BORCS5: variants seen among roughly 807,000 people sequenced by gnomAD.
The protein encoded by BORCS5 is BLOC-1-related complex subunit 5.
A neutral mutation model predicts 22.1 loss-of-function variants in BORCS5; 17 were observed. The ratio of observed to expected loss-of-function variants is 0.77; its 90% CI spans 0.53 to 1.15. The LOEUF (loss-of-function observed/expected upper bound fraction) is 1.15. Among genes scored for constraint, BORCS5 ranks in the 50% most tolerant of loss-of-function variants. BORCS5 has a pLI of 0.00. For missense variants in BORCS5, 247 were observed against 253.2 expected (o/e 0.98, Z 0.17); for synonymous variants, 117 against 99.8 (o/e 1.17, Z -1.03).
At chr12:12,378,332 A>G (rs962132423) in intron 2 of BORCS5, among the ~76,000 whole-genome samples, 2 of 152,228 alleles carry the variant, frequency 1.3e-5, no homozygotes, top group African/African-American at 4.8e-5. Context: ...AGATCGTGCC[A>G]CTGAACTGCA....
intron 2 of BORCS5, among the ~76,000 whole-genome samples, chr12:12,432,205 C>A (rs1418927335): frequency 6.6e-6 from 1 of 152,010 alleles, no homozygotes; most frequent in African/African-American, 2.4e-5. Flanking sequence ...ATCAGTGTTT[C>A]CTTTATGGCT....
At chr12:12,377,859 C>T (rs1223656410) in intron 2 of BORCS5, among the ~76,000 whole-genome samples, 1 of 152,020 alleles carries the variant, frequency 6.6e-6, no homozygotes, top group East Asian at 1.9e-4. Context: ...TAGGAAAATG[C>T]AGGCAGTAAA....
intron 3 of BORCS5, among the ~76,000 whole-genome samples, chr12:12,464,633 A>G (rs1434821250): frequency 1.3e-5 from 2 of 152,104 alleles, no homozygotes; most frequent in Non-Finnish European, 1.5e-5. Flanking sequence ...AGTGGGGTCC[A>G]TGCTGAGGAA....
intron 2 of BORCS5, among the ~76,000 whole-genome samples, chr12:12,414,682 G>A (rs1941872161): frequency 1.1e-5 from 1 of 95,216 alleles, no homozygotes. Flanking sequence ...TGGCCGGGCG[G>A]GGGGCTGACC....
chr12:12,408,125 T>C (rs985979357), intron 2 of BORCS5, among the ~76,000 whole-genome samples: 5 of 152,258 alleles, frequency 3.3e-5, no homozygotes, highest in African/African-American at 1.2e-4. Context: ...TTCTAGCATG[T>C]ACCAGAATTT....
intron 3 of BORCS5, among the ~76,000 whole-genome samples, chr12:12,464,054 C>T (rs1287791223): frequency 1.3e-5 from 2 of 151,464 alleles, no homozygotes; most frequent in Admixed American, 6.6e-5. Context: ...ATTGCAAGGC[C>T]ACCCTGAAAA....
chr12:12,387,233 T>C (rs765446101), intron 2 of BORCS5, among the ~76,000 whole-genome samples: 2 of 151,452 alleles, frequency 1.3e-5, no homozygotes, highest in South Asian at 2.1e-4. Flanking sequence ...GGATATACCA[T>C]AGACTGTCTA....
intron 2 of BORCS5, among the ~76,000 whole-genome samples, chr12:12,399,838 G>A (rs1380580849): frequency 6.6e-6 from 1 of 152,152 alleles, no homozygotes; most frequent in Non-Finnish European, 1.5e-5. Flanking sequence ...AGTCTCAGCA[G>A]CCATTTTCCC....
At chr12:12,435,813 C>A (rs773967846) in intron 3 of BORCS5, 28 bp downstream of exon 3, 3 of 1,598,284 alleles carry the variant, frequency 1.9e-6, no homozygotes, top group South Asian at 2.2e-5. Context: ...AATAACATTG[C>A]TGACTGGTTG....
At chr12:12,414,478 AG>A (rs1941859831) in intron 2 of BORCS5, among the ~76,000 whole-genome samples, 1 of 74,688 alleles carries the variant, frequency 1.3e-5, no homozygotes, top group African/African-American at 6.5e-5. Context: ...GGCTGGGCAG[AG>A]GGGCTCCTCA....
Position 12,470,154 on chromosome 12 carries a change from T to C in BORCS5, c.*4378T>C, listed in dbSNP as rs1294187727. ...GGCACGATCTCGGCTCACTGCAACC[T>C]CCGCCTCCCGGGTTCAAGCAGTTAT... On this transcript the variant is annotated 3_prime_UTR_variant, in exon 4 of 4. Coordinates refer to ENST00000314565, the MANE Select transcript of BORCS5 (RefSeq NM_058169.6). Among the ~76,000 whole-genome samples the C allele has an allele frequency of 6.6e-6, 1 of 152,178 alleles. No homozygotes were observed. The highest frequency in any genetic ancestry group is 1.5e-5 in the Non-Finnish European group (1 of 68,040).
At chr12:12,463,325 A>G (rs1348084190) in intron 3 of BORCS5, among the ~76,000 whole-genome samples, 1 of 152,252 alleles carries the variant, frequency 6.6e-6, no homozygotes, top group African/African-American at 2.4e-5. Context: ...TGTTGCTTGC[A>G]CCAAGTTGAG....
At chr12:12,457,905 A>G (rs1943027967) in intron 3 of BORCS5, among the ~76,000 whole-genome samples, 1 of 152,238 alleles carries the variant, frequency 6.6e-6, no homozygotes, top group Non-Finnish European at 1.5e-5. Context: ...CTCAGTGGGC[A>G]TCAGTGTCAT....
At chr12:12,459,306 G>A (rs1214950088) in intron 3 of BORCS5, among the ~76,000 whole-genome samples, 1 of 151,892 alleles carries the variant, frequency 6.6e-6, no homozygotes, top group Non-Finnish European at 1.5e-5. Context: ...ATACCCCAAG[G>A]TAGCAATTTT....
rs890847867 is a variant in BORCS5 at position 12,357,100 on chromosome 12, G to A, written c.-352G>A. 6 of 1,534,498 alleles carry A rather than the reference G, an allele frequency of 3.9e-6. No homozygotes were observed. In the African/African-American group the frequency reaches 5.5e-5, roughly 14 times the overall value. ...CCCATCTGCGTCCCGGAAGGAGCGA[G>A]CTTGCGGAGCGTGAACCAGTGAGTG... On this transcript the variant is annotated 5_prime_UTR_variant, in exon 1 of 4. Transcript: ENST00000314565.
intron 2 of BORCS5, among the ~76,000 whole-genome samples, chr12:12,373,672 A>G (rs1040463781): frequency 2.6e-5 from 4 of 152,334 alleles, no homozygotes; most frequent in South Asian, 4.1e-4. Context: ...CATTTCTGCA[A>G]CATATTGATA....
intron 2 of BORCS5, among the ~76,000 whole-genome samples, chr12:12,401,537 AAATG>A (rs1244278299): frequency 6.6e-6 from 1 of 152,138 alleles, no homozygotes; most frequent in African/African-American, 2.4e-5. Flanking sequence ...TCTGATCACG[AAATG>A]AATATATGAT....
intron 1 of BORCS5, among the ~76,000 whole-genome samples, chr12:12,358,028 C>T (rs546718265): frequency 6.6e-4 from 101 of 152,294 alleles, no homozygotes; most frequent in African/African-American, 2.3e-3. Context: ...TAGAGGTTGG[C>T]CAGACAGCAG....
At chr12:12,419,033 A>G (rs1383548457) in intron 2 of BORCS5, among the ~76,000 whole-genome samples, 1 of 151,806 alleles carries the variant, frequency 6.6e-6, no homozygotes, top group Admixed American at 6.6e-5. Context: ...TGTATGTTAT[A>G]TAGCTGTTTT....
Sources: gnomAD v4.1 joint callset for allele counts (sites outside exome capture counted in the v4.1 genomes callset) on GRCh38, gnomAD v4.1.1 for gene constraint, MANE v1.5 for transcripts, NCBI Gene and HGNC (gene_info 2026-07-23, HGNC 2026-07-21) for gene names.